SHISA9: variants seen among roughly 807,000 people sequenced by gnomAD.
SHISA9 encodes protein shisa-9.
A neutral mutation model predicts 38.0 loss-of-function variants in SHISA9; 13 were observed. That is an observed-to-expected ratio of 0.34 (90% CI 0.22 to 0.54). The LOEUF is 0.54. Among genes scored for constraint, SHISA9 ranks in the 20% least tolerant of loss-of-function variants. SHISA9 has a pLI of 0.91. For synonymous variants in SHISA9, 275 were observed against 242.0 expected (o/e 1.14, Z -1.27); for missense variants, 538 against 575.8 (o/e 0.93, Z 0.67).
At chr16:13,531,575 G>C in the SHISA9 span, among the ~76,000 whole-genome samples, 34 of 152,238 alleles carry the variant, frequency 2.2e-4, no homozygotes, top group African/African-American at 7.5e-4. Context: ...AAAGAAATTT[G>C]ATTTGACCTT....
intron 1 of SHISA9, chr16:12,909,648 G>C: frequency 4.1e-6 from 4 of 977,038 alleles, no homozygotes; most frequent in Non-Finnish European, 4.9e-6. Context: ...CAGCTCCAAT[G>C]TCATCTTCTC....
the SHISA9 span, among the ~76,000 whole-genome samples, chr16:13,507,182 T>C: frequency 6.6e-6 from 1 of 151,910 alleles, no homozygotes; most frequent in Non-Finnish European, 1.5e-5. Flanking sequence ...ACCATAATAA[T>C]AATATTTTTT....
chr16:13,374,439 G>C, the SHISA9 span, among the ~76,000 whole-genome samples: 2 of 152,132 alleles, frequency 1.3e-5, no homozygotes, highest in African/African-American at 4.8e-5. Context: ...CCTTGCAATA[G>C]TTTGCTCAGA....
downstream of SHISA9, among the ~76,000 whole-genome samples, chr16:13,244,096 A>G (rs557463470): frequency 6.9e-4 from 105 of 152,274 alleles, no homozygotes; most frequent in African/African-American, 2.3e-3. Flanking sequence ...ATGGGCTACT[A>G]TGAATATTCT....
At chr16:13,069,428 GTA>G (rs2073482963) in intron 2 of SHISA9, among the ~76,000 whole-genome samples, 1 of 151,982 alleles carries the variant, frequency 6.6e-6, no homozygotes, top group African/African-American at 2.4e-5. Context: ...GTGTGTATGT[GTA>G]TGTGTATATG....
chr16:13,395,148 G>A, the SHISA9 span, among the ~76,000 whole-genome samples: 1,334 of 152,288 alleles, frequency 8.8e-3, 18 homozygotes, highest in African/African-American at 0.031. Flanking sequence ...ATGCAGACCT[G>A]TGCTCGCCAT....
chr16:13,299,721 A>G, the SHISA9 span, among the ~76,000 whole-genome samples: 1 of 151,760 alleles, frequency 6.6e-6, no homozygotes, highest in Non-Finnish European at 1.5e-5. Flanking sequence ...AAAAAAAAAA[A>G]AAACAAAAAA....
At chr16:12,978,230 A>G (rs1230432434) in intron 2 of SHISA9, among the ~76,000 whole-genome samples, 3 of 152,198 alleles carry the variant, frequency 2.0e-5, no homozygotes, top group African/African-American at 7.2e-5. Flanking sequence ...CACCACTGAC[A>G]TGGTATAGAA....
At chr16:12,946,694 G>A (rs149763401) in intron 2 of SHISA9, among the ~76,000 whole-genome samples, 43 of 152,336 alleles carry the variant, frequency 2.8e-4, no homozygotes, top group Admixed American at 6.5e-4. Context: ...GTTGGGGGCC[G>A]AGTAATTTCC....
In SHISA9 at chr16:12,914,596, C is replaced by T. The variant is rs373896636; in HGVS notation, c.564-2092C>T. On this transcript the variant is annotated intron_variant, in intron 1 of 4. Coordinates refer to ENST00000558583, the MANE Select transcript of SHISA9 (RefSeq NM_001145204.3). The stretch of plus-strand genomic sequence containing the variant: ...TATGGGGCTCTTGCTGTTGTGGCTT[C>T]TCACAACGCAGCTGTTGTGAGAAGC... Among the ~76,000 whole-genome samples, 5 of 152,168 alleles carry T rather than the reference C, an allele frequency of 3.3e-5. No individual in the cohort carries two copies. The East Asian group carries it at 9.7e-4, about 30-fold the overall frequency.
chr16:13,537,780 C>A, the SHISA9 span, among the ~76,000 whole-genome samples: 1 of 152,066 alleles, frequency 6.6e-6, no homozygotes, highest in East Asian at 1.9e-4. Context: ...AAACTTTAAA[C>A]CTATGTTTCT....
intron 2 of SHISA9, among the ~76,000 whole-genome samples, chr16:12,933,618 C>T (rs1177184868): frequency 6.6e-6 from 1 of 152,066 alleles, no homozygotes; most frequent in Non-Finnish European, 1.5e-5. Context: ...ATAGTATATC[C>T]TTGATTTAAA....
At chr16:12,962,401 T>A (rs1395499975) in intron 2 of SHISA9, among the ~76,000 whole-genome samples, 2 of 152,228 alleles carry the variant, frequency 1.3e-5, no homozygotes, top group African/African-American at 4.8e-5. Flanking sequence ...ACTTGTGTTA[T>A]GGACTGAATG....
the SHISA9 span, among the ~76,000 whole-genome samples, chr16:13,405,783 G>A: frequency 6.6e-6 from 1 of 152,058 alleles, no homozygotes; most frequent in Non-Finnish European, 1.5e-5. Context: ...CTTCATCCAT[G>A]TTGCTCCAAA....
chr16:12,961,349 G>A lies in SHISA9; in HGVS notation c.691+44534G>A, dbSNP rs190067990. Among the ~76,000 whole-genome samples, 26 of 152,186 alleles carry A rather than the reference G, an allele frequency of 1.7e-4. No homozygotes were observed. In the East Asian group the frequency reaches 5.0e-3, roughly 29 times the overall value. On this transcript the variant is annotated intron_variant, in intron 2 of 4. Transcript: ENST00000558583. Reference sequence around the variant, plus strand: ...TCTCAGATGCCACGAGGAAGAGTCTGGTGTTTTTCTTGACGGCAATGGAGA... The same window carrying A: ...TCTCAGATGCCACGAGGAAGAGTCTAGTGTTTTTCTTGACGGCAATGGAGA...
chr16:13,241,506 CA>C (rs2051435163), downstream of SHISA9, among the ~76,000 whole-genome samples: 1 of 151,804 alleles, frequency 6.6e-6, no homozygotes, highest in Non-Finnish European at 1.5e-5. Flanking sequence ...AACTCCATCT[CA>C]AAAAAAGAGA....
intron 2 of SHISA9, among the ~76,000 whole-genome samples, chr16:13,161,388 T>C (rs985802913): frequency 4.6e-5 from 7 of 152,158 alleles, no homozygotes; most frequent in African/African-American, 1.7e-4. Flanking sequence ...TCCTCACTCA[T>C]CTGTCCTGTT....
chr16:13,556,711 A>G, the SHISA9 span, among the ~76,000 whole-genome samples: 1 of 152,152 alleles, frequency 6.6e-6, no homozygotes, highest in Non-Finnish European at 1.5e-5. Flanking sequence ...TCAGCCCTCC[A>G]TATCTGTGGG....
At chr16:13,319,112 A>T in the SHISA9 span, among the ~76,000 whole-genome samples, 3 of 152,202 alleles carry the variant, frequency 2.0e-5, no homozygotes, top group Admixed American at 2.0e-4. Context: ...GGTTCAAGTG[A>T]TTCTCCTGCC....
Sources: allele counts gnomAD v4.1 joint callset (sites outside exome capture counted in the v4.1 genomes callset), GRCh38; gene constraint gnomAD v4.1.1; transcripts MANE v1.5; gene names NCBI Gene and HGNC (gene_info 2026-07-23, HGNC 2026-07-21).